The following HMCN1 variants were observed in gnomAD, a reference collection of about 807,000 sequenced individuals.
HMCN1 encodes hemicentin 1.
In HMCN1, 321 loss-of-function variants were observed where a neutral mutation model predicts 625.9. The observed-to-expected ratio is 0.51, with a 90% CI of 0.47 to 0.56. The LOEUF (loss-of-function observed/expected upper bound fraction) is 0.56, where lower values mean the gene tolerates loss of function less well. Ranked by LOEUF, HMCN1 falls within the 20% of genes least tolerant of loss-of-function variation. The pLI is 0.00. For missense variants in HMCN1, 6,588 were observed against 6,887.3 expected (o/e 0.96, Z 1.54); for synonymous variants, 2,425 against 2,417.6 (o/e 1.00, Z -0.09).
chr1:185,949,151 T>C (rs1345729893), intron 11 of HMCN1, among the ~76,000 whole-genome samples: 92 of 151,690 alleles, frequency 6.1e-4, no homozygotes, highest in Non-Finnish European at 1.2e-3. Flanking sequence ...GAGTTAAGAG[T>C]GGCAGTTTGG....
At chr1:185,770,912 T>C (rs1656196700) in intron 1 of HMCN1, among the ~76,000 whole-genome samples, 1 of 152,142 alleles carries the variant, frequency 6.6e-6, no homozygotes, top group Non-Finnish European at 1.5e-5. Flanking sequence ...ACCCAGCTCA[T>C]CTCCAGTGCT....
intron 4 of HMCN1, among the ~76,000 whole-genome samples, chr1:185,869,491 C>T (rs1246246234): frequency 6.6e-6 from 1 of 151,942 alleles, no homozygotes; most frequent in African/African-American, 2.4e-5. Flanking sequence ...ATCATGTTTG[C>T]TAGAAATTAG....
In HMCN1 at chr1:185,752,108, T is replaced by C. The variant is rs114858170; in HGVS notation, c.268+17061T>C. ...TTTTTTTGGGATTCCAAAATTAGCT[T>C]GTGGACTAATTTTTGGGCTTTGGAT... On this transcript the variant is annotated intron_variant, in intron 1 of 106. Transcript: ENST00000271588. Among the ~76,000 whole-genome samples, 1,260 of 152,270 alleles carry C rather than the reference T, an allele frequency of 8.3e-3. 12 individuals are homozygous for C. The highest frequency in any genetic ancestry group is 0.027 in the Middle Eastern group (8 of 294).
chr1:185,915,122 A>G (rs1411587707), intron 6 of HMCN1, among the ~76,000 whole-genome samples: 8 of 152,080 alleles, frequency 5.3e-5, no homozygotes, highest in African/African-American at 1.9e-4. Flanking sequence ...AGAGATAAAG[A>G]GTCAACTCAT....
chr1:185,990,821 G>C (rs1652375935), intron 22 of HMCN1, among the ~76,000 whole-genome samples: 1 of 152,164 alleles, frequency 6.6e-6, no homozygotes, highest in African/African-American at 2.4e-5. Context: ...GCTTTCATTG[G>C]ATGATTTTGT....
intron 96 of HMCN1, among the ~76,000 whole-genome samples, chr1:186,153,088 T>A (rs1650776441): frequency 6.6e-6 from 1 of 152,208 alleles, no homozygotes. Context: ...AGGACCAAGA[T>A]CAAATACTTG....
intron 1 of HMCN1, among the ~76,000 whole-genome samples, chr1:185,842,549 A>G (rs1485688741): frequency 4.1e-5 from 6 of 146,702 alleles, no homozygotes; most frequent in Admixed American, 4.1e-4. Context: ...GGGCAACATA[A>G]TGAGACCCTG....
chr1:185,817,231 G>C (rs1659898626), intron 1 of HMCN1, among the ~76,000 whole-genome samples: 1 of 152,138 alleles, frequency 6.6e-6, no homozygotes, highest in Admixed American at 6.6e-5. Context: ...AGGTCCACAT[G>C]ATAAATAAAG....
intron 31 of HMCN1, among the ~76,000 whole-genome samples, chr1:186,015,753 C>G (rs1654323702): frequency 6.6e-6 from 1 of 152,062 alleles, no homozygotes; most frequent in African/African-American, 2.4e-5. Flanking sequence ...GCCAGAAAGT[C>G]CAGAGTTTCC....
Position 185,994,841 on chromosome 1 carries a change from A to T in HMCN1, c.3532A>T (p.Lys1178Ter). Residue 1178 changes from lysine to a stop codon, truncating the protein, a stop_gained, in exon 24 of 107, where the codon AAA becomes TAA. Coordinates refer to ENST00000271588, the MANE Select transcript of HMCN1 (RefSeq NM_031935.3). LOFTEE classifies it high-confidence loss of function. Reference sequence around the variant, plus strand: ...TCCTCCAAAGATACAGCGTGGACCTAAACATCTCAAAGTCCAAGTTGGTCA... The same window carrying T: ...TCCTCCAAAGATACAGCGTGGACCTTAACATCTCAAAGTCCAAGTTGGTCA... ...HVPPKIQRGP[K>*]HLKVQVGQRV... 2 of 1,613,586 alleles carry T rather than the reference A, an allele frequency of 1.2e-6. No individual in the cohort carries two copies. Among genetic ancestry groups the T allele is most frequent in the Non-Finnish European group, 8.5e-7 (1 of 1,179,584 alleles).
chr1:186,142,956 C>CAG (rs1448139683), intron 89 of HMCN1, among the ~76,000 whole-genome samples: 2 of 152,122 alleles, frequency 1.3e-5, no homozygotes, highest in Non-Finnish European at 2.9e-5. Flanking sequence ...TGAAATCATA[C>CAG]AGTCAATATT....
At chr1:185,980,926 A>T in intron 16 of HMCN1, 52 bp from the exon 17 acceptor site, 1 of 1,080,614 alleles carries the variant, frequency 9.3e-7, no homozygotes, top group Non-Finnish European at 1.4e-6. Flanking sequence ...TCTGGCACAT[A>T]GTTAATTCTC....
At chr1:185,914,590 C>G (rs1305172855) in intron 6 of HMCN1, among the ~76,000 whole-genome samples, 2 of 151,992 alleles carry the variant, frequency 1.3e-5, no homozygotes, top group Non-Finnish European at 2.9e-5. Flanking sequence ...CTCCCCCCAC[C>G]ACATTCTCTT....
intron 1 of HMCN1, among the ~76,000 whole-genome samples, chr1:185,799,492 C>A (rs1023349809): frequency 2.0e-5 from 3 of 152,168 alleles, no homozygotes; most frequent in African/African-American, 7.2e-5. Context: ...GACACAAGGA[C>A]CAGCCCTGAT....
In HMCN1 at chr1:186,112,864, A is replaced by G. The variant is rs145693979; in HGVS notation, c.11042A>G (p.Asn3681Ser). ...GGAGGGAGATACTTGCAAATCAACA[A>G]TGCTGACCTAGGTGATACAGCCAAT... The part of the protein sequence containing the change: ...LSGGRYLQIN[N>S]ADLGDTANYT... The change falls in exon 72 of 107, where the codon AAT (asparagine) becomes AGT (serine). Residue 3681 changes from asparagine (N) to serine (S), a missense_variant. Asn to Ser is a conservative substitution (Grantham distance 46). Transcript: ENST00000271588. 149 of 1,614,192 alleles carry G rather than the reference A, an allele frequency of 9.2e-5. No homozygotes were observed. The African/African-American group carries it at 1.4e-3, about 15-fold the overall frequency.
intron 2 of HMCN1, among the ~76,000 whole-genome samples, chr1:185,847,307 C>G (rs766061861): frequency 1.3e-5 from 2 of 152,142 alleles, no homozygotes; most frequent in African/African-American, 2.4e-5. Flanking sequence ...CTGGTGAATT[C>G]ATAGCCACCT....
chr1:185,996,838 G>A (rs1652825609), intron 24 of HMCN1, among the ~76,000 whole-genome samples: 1 of 152,100 alleles, frequency 6.6e-6, no homozygotes, highest in South Asian at 2.1e-4. Context: ...CTGACAGGGG[G>A]CACTTAGGAA....
At chr1:185,745,686 G>A (rs76733295) in intron 1 of HMCN1, among the ~76,000 whole-genome samples, 3,631 of 152,292 alleles carry the variant, frequency 0.024, 141 homozygotes, top group African/African-American at 0.082. Context: ...GTCAATGATG[G>A]TGAATTTATC....
At chr1:185,999,192 T>C (rs574317117) in intron 25 of HMCN1, among the ~76,000 whole-genome samples, 1 of 152,056 alleles carries the variant, frequency 6.6e-6, no homozygotes, top group South Asian at 2.1e-4. Context: ...TAATACAGGA[T>C]TATTAACAAT....
Sources: gnomAD v4.1 joint callset for allele counts (sites outside exome capture counted in the v4.1 genomes callset) on GRCh38, gnomAD v4.1.1 for gene constraint, MANE v1.5 for transcripts, NCBI Gene and HGNC (gene_info 2026-07-23, HGNC 2026-07-21) for gene names.